Variants in CUEDC1 observed in about 807,000 individuals in gnomAD.
CUEDC1 encodes the protein CUE domain-containing protein 1.
Under a neutral mutation model 43.7 loss-of-function variants are expected in CUEDC1, and 30 were observed. The ratio of observed to expected loss-of-function variants is 0.69; its 90% CI spans 0.51 to 0.93. The LOEUF (loss-of-function observed/expected upper bound fraction) is 0.93. Among genes scored for constraint, CUEDC1 ranks in the 40% least tolerant of loss-of-function variants. The pLI is 0.00. For synonymous variants in CUEDC1, 223 were observed against 223.6 expected (o/e 1.00, Z 0.02); for missense variants, 486 against 549.0 (o/e 0.89, Z 1.15).
At chr17:57,953,442 A>C (rs144036906) in intron 1 of CUEDC1, among the ~76,000 whole-genome samples, 1 of 152,344 alleles carries the variant, frequency 6.6e-6, no homozygotes, top group East Asian at 1.9e-4. Flanking sequence ...TCATGAGAAA[A>C]GACCTTAGAA....
At chr17:57,891,014 G>A (rs557928941) in intron 1 of CUEDC1, among the ~76,000 whole-genome samples, 1 of 152,342 alleles carries the variant, frequency 6.6e-6, no homozygotes, top group South Asian at 2.1e-4. Flanking sequence ...AGGCTGCTGT[G>A]GCTTGGGGCA....
At chr17:57,925,752 T>A (rs1052558242) in intron 1 of CUEDC1, among the ~76,000 whole-genome samples, 1 of 152,118 alleles carries the variant, frequency 6.6e-6, no homozygotes, top group East Asian at 1.9e-4. Flanking sequence ...CCCTAAGCCA[T>A]GTGCAAATGT....
intron 1 of CUEDC1, among the ~76,000 whole-genome samples, chr17:57,922,877 CTCTTT>C (rs1012947036): frequency 6.3e-5 from 9 of 142,390 alleles, no homozygotes; most frequent in Non-Finnish European, 1.4e-4. Flanking sequence ...TTCTCCCTCT[CTCTTT>C]TTTTTTTTTT....
chr17:57,900,486 A>G (rs1341813799), intron 1 of CUEDC1, among the ~76,000 whole-genome samples: 1 of 152,174 alleles, frequency 6.6e-6, no homozygotes, highest in Non-Finnish European at 1.5e-5. Flanking sequence ...CCATTATGTA[A>G]AGGCATTAAA....
intron 1 of CUEDC1, among the ~76,000 whole-genome samples, chr17:57,901,928 C>G (rs2074476246): frequency 6.6e-6 from 1 of 152,208 alleles, no homozygotes. Context: ...AATCCCAGCA[C>G]TTTGGGAGGC....
chr17:57,871,315 T>C lies in CUEDC1; in HGVS notation c.839A>G (p.Asn280Ser), dbSNP rs189929153. 1.2e-6 allele frequency: 2 copies of C among 1,614,136 alleles called. No individual in the cohort carries two copies. Among genetic ancestry groups the C allele is most frequent in the Non-Finnish European group, 1.7e-6 (2 of 1,179,996 alleles). The change falls in exon 6 of 11, where the codon AAC becomes AGC. Residue 280 changes from asparagine (N) to serine (S), a missense_variant. Physicochemically the swap from Asn to Ser is conservative, Grantham distance 46. Transcript: ENST00000577830. ...GACAGGAGAGGAAAAGCCAAAGTCG[T>C]TTCCGACAGCCACGCTGCTGGATTT... ...KSKSSSVAVG[N>S]DFGFSSPVPG... is the part of the protein sequence containing the mutation.
chr17:57,946,748 T>G (rs2074963041), intron 1 of CUEDC1, among the ~76,000 whole-genome samples: 1 of 152,168 alleles, frequency 6.6e-6, no homozygotes. Context: ...CGAGGCTCAG[T>G]GGTCCTGTAA....
intron 1 of CUEDC1, among the ~76,000 whole-genome samples, chr17:57,921,063 T>C (rs2074693547): frequency 1.3e-5 from 2 of 152,262 alleles, no homozygotes; most frequent in South Asian, 4.1e-4. Flanking sequence ...TATCCAAGGT[T>C]ATTGTCAGCT....
intron 1 of CUEDC1, among the ~76,000 whole-genome samples, chr17:57,917,066 A>G (rs894595): frequency 0.41 from 62,644 of 152,092 alleles, 14,221 homozygotes; most frequent in African/African-American, 0.6. Flanking sequence ...CCTGAGGCCC[A>G]TCCAATAGGG....
intron 6 of CUEDC1, among the ~76,000 whole-genome samples, chr17:57,870,163 G>C (rs1375621267): frequency 2.0e-5 from 3 of 152,208 alleles, no homozygotes; most frequent in Non-Finnish European, 4.4e-5. Flanking sequence ...GCCCTTCTCC[G>C]AGGTGGGCAG....
At position 57,885,332 on chromosome 17, in the gene CUEDC1, T is replaced by C. The variant is rs747008654; in HGVS notation, c.233A>G (p.Asp78Gly). The C allele has an allele frequency of 6.2e-7, 1 of 1,611,868 alleles. No homozygotes were observed. Among genetic ancestry groups the C allele is most frequent in the Non-Finnish European group, 8.5e-7 (1 of 1,179,596 alleles). ...CVLRANSGAV[D>G]ATIDQLLQMN... ...CTGCAGCAGCTGGTCGATGGTGGCG[T>C]CCACAGCGCCGCTGTTGGCGCGCAG... is the stretch of plus-strand genomic sequence containing the variant. The change falls in exon 2 of 11, where the codon GAC becomes GGC. Residue 78 changes from aspartate to glycine, a missense_variant. Physicochemically the swap from Asp to Gly is moderately conservative, Grantham distance 94. Transcript: ENST00000577830.
intron 10 of CUEDC1, among the ~76,000 whole-genome samples, chr17:57,864,000 CA>C (rs71365846): frequency 0.17 from 13,823 of 82,002 alleles, 497 homozygotes; most frequent in Non-Finnish European, 0.22. Flanking sequence ...GACTCCATCT[CA>C]AAAAAAAAAA....
chr17:57,864,591 G>A (rs73329836), intron 10 of CUEDC1, among the ~76,000 whole-genome samples: 131 of 152,286 alleles, frequency 8.6e-4, no homozygotes, highest in African/African-American at 3.0e-3. Flanking sequence ...CTGAGCTGCT[G>A]GGTGACCTCC....
intron 2 of CUEDC1, among the ~76,000 whole-genome samples, chr17:57,882,088 CA>C (rs915416522): frequency 2.6e-5 from 4 of 152,188 alleles, no homozygotes; most frequent in Admixed American, 2.0e-4. Flanking sequence ...CCAGGTGCTC[CA>C]GGGGGCAGGG....
At chr17:57,879,521 T>A in intron 3 of CUEDC1, 90 bp downstream of exon 3, 1 of 1,461,464 alleles carries the variant, frequency 6.8e-7, no homozygotes, top group Non-Finnish European at 9.0e-7. Flanking sequence ...TACTGAGCAG[T>A]CCAGCCAAGT....
At chr17:57,949,765 T>C (rs551911785) in intron 1 of CUEDC1, among the ~76,000 whole-genome samples, 3 of 151,952 alleles carry the variant, frequency 2.0e-5, no homozygotes, top group Non-Finnish European at 4.4e-5. Flanking sequence ...GGTTTCACCA[T>C]GTTGCCCAGG....
rs775559715 is a variant in CUEDC1, at chr17:57,872,854, C to T, written c.593G>A (p.Gly198Asp). Residue 198 changes from glycine to aspartate, a missense_variant and splice_region_variant, in exon 5 of 11, where the codon GGT becomes GAT. Transcript: ENST00000577830. ...ILPQQLDSIQ[G>D]NAGGPKPGSG... is the part of the protein sequence containing the mutation. The stretch of plus-strand genomic sequence containing the variant: ...CCCAGGCTTGGGGCCCCCAGCGTTA[C>T]CCTGAGGAGGGAAGCGAGCATGTTG... 25 of 1,609,928 alleles carry T rather than the reference C, an allele frequency of 1.6e-5. No individual in the cohort carries two copies. Among genetic ancestry groups the T allele is most frequent in the African/African-American group, 2.7e-5 (2 of 74,540 alleles).
chr17:57,944,243 T>C (rs2143221289), intron 1 of CUEDC1, among the ~76,000 whole-genome samples: 1 of 149,776 alleles, frequency 6.7e-6, no homozygotes, highest in Admixed American at 6.7e-5. Flanking sequence ...GGAGCTTCGC[T>C]CTTGTTGCAC....
chr17:57,890,594 A>G (rs2074344876), intron 1 of CUEDC1, among the ~76,000 whole-genome samples: 1 of 152,230 alleles, frequency 6.6e-6, no homozygotes, highest in East Asian at 1.9e-4. Context: ...GGTCCCAGGA[A>G]GCCAGGATCA....
Sources: allele counts gnomAD v4.1 joint callset (sites outside exome capture counted in the v4.1 genomes callset), GRCh38; gene constraint gnomAD v4.1.1; transcripts MANE v1.5; gene names NCBI Gene and HGNC (gene_info 2026-07-23, HGNC 2026-07-21).